Variants in TBCK observed in about 807,000 individuals in gnomAD.
TBCK encodes the protein TBC1 domain containing kinase.
TBCK carries 99 observed loss-of-function variants against 113.4 expected under a neutral mutation model. The observed-to-expected ratio is 0.87, with a 90% CI of 0.74 to 1.03. The LOEUF is 1.03. Ranked by LOEUF, TBCK falls within the 50% of genes least tolerant of loss-of-function variation. TBCK has a pLI of 0.00. For missense variants in TBCK, 1,045 were observed against 1,061.3 expected (o/e 0.98, Z 0.21); for synonymous variants, 369 against 370.8 (o/e 1.00, Z 0.05).
intron 3 of TBCK, among the ~76,000 whole-genome samples, chr4:106,276,121 T>C (rs994399969): frequency 1.3e-5 from 2 of 152,142 alleles, no homozygotes; most frequent in African/African-American, 4.8e-5. Context: ...TATACTTATA[T>C]GGCCTTTTAA....
At chr4:106,194,236 A>G (rs1161671113) in intron 21 of TBCK, among the ~76,000 whole-genome samples, 1 of 152,080 alleles carries the variant, frequency 6.6e-6, no homozygotes, top group Non-Finnish European at 1.5e-5. Context: ...ATAAATATCT[A>G]CTTCAAATAT....
At position 106,045,635 on chromosome 4, in the gene TBCK, G is replaced by C. The variant is rs1734152731; in HGVS notation, c.*935C>G. On this transcript the variant is annotated 3_prime_UTR_variant, in exon 26 of 26. Transcript: ENST00000394708. Reference sequence around the variant, plus strand: ...GCAACTTCTGGTTTATGACCTTAAAGGGAAGGAGTGTGCTTCGCTTCTTTT... The same window carrying C: ...GCAACTTCTGGTTTATGACCTTAAACGGAAGGAGTGTGCTTCGCTTCTTTT... The C allele has an allele frequency of 6.6e-6, 1 of 152,200 alleles. No homozygotes were observed. Among genetic ancestry groups the C allele is most frequent in the African/African-American group, 2.4e-5 (1 of 41,434 alleles). 9.4% of individuals were successfully genotyped at this position (152,200 alleles called of 1,614,324 possible). A position where few individuals can be genotyped will look rare whatever the true frequency, so the allele number is the denominator to read the frequency against.
chr4:106,292,913 A>G (rs910030377), intron 3 of TBCK, among the ~76,000 whole-genome samples: 1 of 152,236 alleles, frequency 6.6e-6, no homozygotes, highest in African/African-American at 2.4e-5. Flanking sequence ...CCAAACTGGA[A>G]TTATGGGGGT....
intron 25 of TBCK, among the ~76,000 whole-genome samples, chr4:106,076,351 A>C (rs896354798): frequency 1.3e-5 from 2 of 152,242 alleles, no homozygotes; most frequent in Admixed American, 6.5e-5. Context: ...TTGAAAGTTG[A>C]GATTTTTCAC....
intron 25 of TBCK, among the ~76,000 whole-genome samples, chr4:106,075,448 T>G (rs1037241787): frequency 2.0e-5 from 3 of 152,326 alleles, no homozygotes; most frequent in South Asian, 2.1e-4. Flanking sequence ...ACTGACTTAT[T>G]TGGAATGTGA....
intron 5 of TBCK, among the ~76,000 whole-genome samples, chr4:106,253,865 C>T (rs555072192): frequency 6.6e-6 from 1 of 152,232 alleles, no homozygotes; most frequent in South Asian, 2.1e-4. Flanking sequence ...AATAAGTGTA[C>T]TCACAGCTAA....
intron 25 of TBCK, among the ~76,000 whole-genome samples, chr4:106,093,360 A>G (rs1319097577): frequency 3.3e-5 from 5 of 152,178 alleles, no homozygotes; most frequent in Non-Finnish European, 5.9e-5. Flanking sequence ...CGAAAAAATT[A>G]GCTGGGCGTG....
rs1440923141 is a variant in TBCK at position 106,135,444 on chromosome 4, AC to A, written c.2236-19067del. ...GGCTCTGGAGAATGTACACTTAACC[AC>A]ATCACTACCCTGCCTCTCTTGTAAG... On this transcript the variant is annotated intron_variant, in intron 23 of 25. Transcript: ENST00000394708. Among the ~76,000 whole-genome samples, 2 of 96,704 alleles carry A rather than the reference AC, an allele frequency of 2.1e-5. 1 individual carries two copies. Among genetic ancestry groups the A allele is most frequent in the Non-Finnish European group, 5.3e-5 (2 of 37,572 alleles). 63.4% of individuals were successfully genotyped at this position (96,704 alleles called of 152,430 possible).
chr4:106,161,721 TG>T (rs1199548044), intron 23 of TBCK, among the ~76,000 whole-genome samples: 3 of 151,982 alleles, frequency 2.0e-5, no homozygotes, highest in Non-Finnish European at 4.4e-5. Context: ...TGTGTGTGTG[TG>T]TGTGTGTATG....
chr4:106,305,141 GT>G (rs527929083), intron 2 of TBCK, among the ~76,000 whole-genome samples: 1 of 151,668 alleles, frequency 6.6e-6, no homozygotes, highest in Non-Finnish European at 1.5e-5. Flanking sequence ...AGTAGAGAAA[GT>G]TTTTTTTCCT....
At chr4:106,298,559 G>A (rs576971302) in intron 2 of TBCK, among the ~76,000 whole-genome samples, 43 of 152,104 alleles carry the variant, frequency 2.8e-4, no homozygotes, top group Non-Finnish European at 3.4e-4. Context: ...GTAGTGAGCC[G>A]AGATCCTGCC....
At chr4:106,215,079 G>C (rs1048232794) in intron 19 of TBCK, among the ~76,000 whole-genome samples, 7 of 150,636 alleles carry the variant, frequency 4.6e-5, no homozygotes, top group Non-Finnish European at 2.9e-5. Flanking sequence ...TTAAAGAAAA[G>C]AATTTTCAAC....
intron 3 of TBCK, among the ~76,000 whole-genome samples, chr4:106,262,895 C>A (rs1015913695): frequency 2.6e-5 from 4 of 151,882 alleles, no homozygotes; most frequent in Non-Finnish European, 5.9e-5. Flanking sequence ...GTAAATACTG[C>A]TACTTAGCAG....
chr4:106,167,857 T>C (rs1023918382), intron 23 of TBCK, among the ~76,000 whole-genome samples: 22 of 151,726 alleles, frequency 1.4e-4, no homozygotes, highest in Admixed American at 3.9e-4. Context: ...ATTCAATCAA[T>C]AATTAAGAAC....
chr4:106,310,825 T>C (rs1579599721), intron 1 of TBCK, among the ~76,000 whole-genome samples: 1 of 152,316 alleles, frequency 6.6e-6, no homozygotes, highest in South Asian at 2.1e-4. Context: ...AATCTGGCTT[T>C]GGAAGCAACT....
chr4:106,264,130 T>C (rs190025173), intron 3 of TBCK, among the ~76,000 whole-genome samples: 41 of 152,096 alleles, frequency 2.7e-4, no homozygotes, highest in African/African-American at 8.9e-4. Flanking sequence ...CTGTATTCAT[T>C]ATATTGTTTT....
intron 5 of TBCK, among the ~76,000 whole-genome samples, chr4:106,253,168 T>C (rs758632317): frequency 6.6e-6 from 1 of 152,222 alleles, no homozygotes; most frequent in African/African-American, 2.4e-5. Flanking sequence ...CTGATGGTTT[T>C]ACCATGTTTG....
At chr4:106,193,952 G>T (rs1753939845) in intron 21 of TBCK, among the ~76,000 whole-genome samples, 182 bp from the exon 22 acceptor site, 1 of 151,820 alleles carries the variant, frequency 6.6e-6, no homozygotes, top group African/African-American at 2.4e-5. Flanking sequence ...GCTTCCTAAG[G>T]CATCTTAAAA....
In TBCK at chr4:106,248,826, T is replaced by A. The variant is rs74357880; in HGVS notation, c.720+95A>T. 3.6e-4 allele frequency: 359 copies of A among 989,874 alleles called. 2 individuals are homozygous for A. The East Asian group carries it at 9.1e-3, about 25-fold the overall frequency. 61.3% of individuals were successfully genotyped at this position (989,874 alleles called of 1,614,324 possible). ...ACTTGGACTTCCTAGTTTCAATAAC[T>A]GTGGAAAAATAAATTTTTGTCTTTA... On this transcript the variant is annotated intron_variant, in intron 8 of 25. Transcript: ENST00000394708.
Sources: gnomAD v4.1 joint callset for allele counts (sites outside exome capture counted in the v4.1 genomes callset) on GRCh38, gnomAD v4.1.1 for gene constraint, MANE v1.5 for transcripts, NCBI Gene and HGNC (gene_info 2026-07-23, HGNC 2026-07-21) for gene names.